IMPG2: variants seen among roughly 807,000 people sequenced by gnomAD.
The protein encoded by IMPG2 is interphotoreceptor matrix proteoglycan 2, also known as IPM 200.
Under a neutral mutation model 129.2 loss-of-function variants are expected in IMPG2, and 91 were observed. That is an observed-to-expected ratio of 0.70 (90% CI 0.59 to 0.84). The LOEUF is 0.84. Among genes scored for constraint, IMPG2 ranks in the 40% least tolerant of loss-of-function variants. IMPG2 has a pLI of 0.00. For missense variants in IMPG2, 1,430 were observed against 1,461.7 expected (o/e 0.98, Z 0.35); for synonymous variants, 510 against 517.7 (o/e 0.99, Z 0.20).
At chr3:101,291,630 T>C in intron 3 of IMPG2, 120 bp from the exon 4 acceptor site, 1 of 748,296 alleles carries the variant, frequency 1.3e-6, no homozygotes, top group Non-Finnish European at 2.4e-6. Flanking sequence ...TAGTACTCTC[T>C]ATGGTTAGAC....
In IMPG2 at chr3:101,231,074, A is replaced by G. The variant is rs777063202; in HGVS notation, c.3305T>C (p.Ile1102Thr). The change falls in exon 16 of 19, where the codon ATA (isoleucine) becomes ACA (threonine). Residue 1102 changes from isoleucine to threonine, a missense_variant. Coordinates refer to ENST00000193391, the MANE Select transcript of IMPG2 (RefSeq NM_016247.4). ...CEEFVSEPVI[I>T]GITIASVVGL... ...AACCACGGAGGCAATAGTGATGCCT[A>G]TGATCACGGGCTCAGACACAAATTC... 3.7e-6 allele frequency: 6 copies of G among 1,614,010 alleles called. No homozygotes were observed. In the African/African-American group the frequency reaches 5.3e-5, roughly 14 times the overall value.
At chr3:101,250,082 A>C (rs950455524) in intron 11 of IMPG2, among the ~76,000 whole-genome samples, 1 of 152,156 alleles carries the variant, frequency 6.6e-6, no homozygotes, top group Non-Finnish European at 1.5e-5. Flanking sequence ...TGTCTCAAAA[A>C]AACACCATGG....
intron 4 of IMPG2, among the ~76,000 whole-genome samples, chr3:101,288,830 C>T (rs1054249169): frequency 2.6e-5 from 4 of 152,126 alleles, no homozygotes; most frequent in African/African-American, 9.7e-5. Context: ...TTTTTTAAGT[C>T]ATCCTTTCGA....
chr3:101,275,375 T>C (rs1706829890), intron 6 of IMPG2, among the ~76,000 whole-genome samples: 1 of 152,152 alleles, frequency 6.6e-6, no homozygotes, highest in Non-Finnish European at 1.5e-5. Flanking sequence ...AAAACCACCA[T>C]AGAAAATCAT....
intron 14 of IMPG2, among the ~76,000 whole-genome samples, chr3:101,240,559 A>G (rs552552946): frequency 6.6e-6 from 1 of 152,360 alleles, no homozygotes; most frequent in Non-Finnish European, 1.5e-5. Flanking sequence ...TACAGAGGCC[A>G]GGCAATATTA....
intron 14 of IMPG2, among the ~76,000 whole-genome samples, chr3:101,238,091 G>A (rs1576745645): frequency 6.6e-6 from 1 of 151,920 alleles, no homozygotes; most frequent in Non-Finnish European, 1.5e-5. Context: ...AGTATCAATA[G>A]CTGAATCAAT....
At chr3:101,253,657 C>G (rs768138296) in intron 11 of IMPG2, 39 bp downstream of exon 11, 2 of 1,391,416 alleles carry the variant, frequency 1.4e-6, no homozygotes, top group Non-Finnish European at 2.0e-6. Flanking sequence ...AGAAGAGAAG[C>G]TTGAGGGCCT....
At chr3:101,298,539 T>A (rs1707107031) in intron 3 of IMPG2, among the ~76,000 whole-genome samples, 1 of 152,176 alleles carries the variant, frequency 6.6e-6, no homozygotes, top group African/African-American at 2.4e-5. Flanking sequence ...CTGGTACCAG[T>A]TTTTCCTTTC....
intron 15 of IMPG2, among the ~76,000 whole-genome samples, 171 bp downstream of exon 15, chr3:101,232,610 C>T (rs1478032403): frequency 1.3e-5 from 2 of 151,986 alleles, no homozygotes; most frequent in African/African-American, 2.4e-5. Context: ...AAATTCAGGC[C>T]TGTTAAACAA....
chr3:101,283,318 GC>G (rs1479533528), intron 4 of IMPG2, among the ~76,000 whole-genome samples: 6 of 152,076 alleles, frequency 3.9e-5, no homozygotes, highest in African/African-American at 1.4e-4. Context: ...GAGCCACCAT[GC>G]CAGCCACTAG....
intron 2 of IMPG2, among the ~76,000 whole-genome samples, chr3:101,318,887 C>A (rs578107509): frequency 6.6e-6 from 1 of 151,884 alleles, no homozygotes; most frequent in Admixed American, 6.6e-5. Context: ...AGTATGAGAT[C>A]AAGAATACTG....
Position 101,245,826 on chromosome 3 carries a change from A to C in IMPG2, c.1519T>G (p.Ser507Ala). ...CCATCTTCTACCAAGTGAGATCCAG[A>C]AGTCCTTTCCTCAGAAGCCACAGGC... is the stretch of plus-strand genomic sequence containing the variant. Reference protein sequence around the residue: ...GLPVASEERTSGSHLVEDGLA... With the variant: ...GLPVASEERTAGSHLVEDGLA... Residue 507 changes from serine (S) to alanine (A), a missense_variant, in exon 12 of 19, where the codon TCT (serine) becomes GCT (alanine). Physicochemically the swap from Ser to Ala is moderately conservative, Grantham distance 99. Coordinates refer to ENST00000193391, the MANE Select transcript of IMPG2 (RefSeq NM_016247.4). 1 of 1,614,182 alleles carries C rather than the reference A, an allele frequency of 6.2e-7. No individual in the cohort carries two copies. Among genetic ancestry groups the C allele is most frequent in the Non-Finnish European group, 8.5e-7 (1 of 1,179,976 alleles).
chr3:101,246,206 G>T, intron 11 of IMPG2, 101 bp from the exon 12 acceptor site: 1 of 1,100,074 alleles, frequency 9.1e-7, no homozygotes, highest in Non-Finnish European at 1.3e-6. Context: ...ATCTTCTAGG[G>T]ACAAGGAGGC....
At chr3:101,246,833 G>A (rs559751313) in intron 11 of IMPG2, among the ~76,000 whole-genome samples, 1 of 152,324 alleles carries the variant, frequency 6.6e-6, no homozygotes, top group East Asian at 1.9e-4. Flanking sequence ...GCCAGGCACA[G>A]TGGCTCAGGT....
chr3:101,229,320 G>GGGGGC, intron 17 of IMPG2, 60 bp downstream of exon 17: 3 of 519,342 alleles, frequency 5.8e-6, no homozygotes, highest in Non-Finnish European at 9.1e-6. Flanking sequence ...ACCACCCCCT[G>GGGGGC]CTCCCCCACA....
intron 11 of IMPG2, 120 bp downstream of exon 11, chr3:101,253,576 T>C: frequency 2.7e-6 from 2 of 744,150 alleles, no homozygotes; most frequent in Admixed American, 2.0e-5. Context: ...CTAGGGATGA[T>C]GCAAGAGAAT....
chr3:101,269,045 C>A (rs1246118779), intron 8 of IMPG2, among the ~76,000 whole-genome samples: 1 of 152,190 alleles, frequency 6.6e-6, no homozygotes, highest in Non-Finnish European at 1.5e-5. Context: ...CACTGTGAGT[C>A]TTAAGCAGGG....
intron 4 of IMPG2, among the ~76,000 whole-genome samples, chr3:101,288,483 A>C (rs185154591): frequency 2.8e-4 from 42 of 152,350 alleles, no homozygotes; most frequent in African/African-American, 7.0e-4. Context: ...GGATGAAGAA[A>C]ATATGGTACA....
At chr3:101,287,294 T>G (rs1706958495) in intron 4 of IMPG2, among the ~76,000 whole-genome samples, 1 of 152,168 alleles carries the variant, frequency 6.6e-6, no homozygotes. Flanking sequence ...AGAATCAATG[T>G]CATTAAAATG....
Sources: gnomAD v4.1 joint callset for allele counts (sites outside exome capture counted in the v4.1 genomes callset) on GRCh38, gnomAD v4.1.1 for gene constraint, MANE v1.5 for transcripts, NCBI Gene and HGNC (gene_info 2026-07-23, HGNC 2026-07-21) for gene names.